PHC3: variants seen among roughly 807,000 people sequenced by gnomAD.
The protein encoded by PHC3 is polyhomeotic homolog 3.
Under a neutral mutation model 107.4 loss-of-function variants are expected in PHC3, and 13 were observed. That is an observed-to-expected ratio of 0.12 (90% CI 0.08 to 0.19). PHC3 has a LOEUF of 0.19. PHC3 is among the 10% of genes least tolerant of loss of function. PHC3 has a pLI of 1.00. For synonymous variants in PHC3, 456 were observed against 427.4 expected, an observed-to-expected ratio of 1.07 and a Z score of -0.83; for missense variants, 992 against 1,210.9, an observed-to-expected ratio of 0.82 and a Z score of 2.68.
intron 8 of PHC3, among the ~76,000 whole-genome samples, chr3:170,123,085 TCTAA>T (rs1185493452): frequency 3.9e-5 from 6 of 152,302 alleles, no homozygotes; most frequent in African/African-American, 1.2e-4. Flanking sequence ...TTTGTTAACT[TCTAA>T]CTGTCATGAA....
At chr3:170,173,966 G>T (rs1730011776) in intron 2 of PHC3, among the ~76,000 whole-genome samples, 2 of 152,228 alleles carry the variant, frequency 1.3e-5, no homozygotes, top group Admixed American at 6.5e-5. Context: ...GCCAAGGCAG[G>T]CAGGTCACCT....
intron 6 of PHC3, among the ~76,000 whole-genome samples, chr3:170,136,866 C>A (rs1209128132): frequency 2.8e-5 from 4 of 140,608 alleles, no homozygotes; most frequent in African/African-American, 1.1e-4. Flanking sequence ...TATTAAGTGG[C>A]AATTTTTTAA....
chr3:170,122,729 C>T lies in PHC3; in HGVS notation c.1804G>A (p.Asp602Asn). Reference protein sequence around the residue: ...VDPPVVYQVEDVCEEEMPEES... With the variant: ...VDPPVVYQVENVCEEEMPEES... ...TCTGGCATTTCTTCTTCACACACAT[C>T]TTCTACCTGATAAACCTGCAATGAC... Residue 602 changes from aspartate to asparagine, a missense_variant, in exon 9 of 15, where the codon GAT becomes AAT. By Grantham distance (23) the Asp-to-Asn change is conservative. This residue lies in a region of PHC3 where 543 missense variants were observed against 590.8 expected (regional missense o/e 0.92). Coordinates refer to ENST00000495893, the MANE Select transcript of PHC3 (RefSeq NM_024947.4). The T allele has an allele frequency of 1.9e-6, 3 of 1,613,926 alleles. No individual in the cohort carries two copies. The highest frequency in any genetic ancestry group is 2.5e-6 in the Non-Finnish European group (3 of 1,179,840).
rs1717313446 is a variant in PHC3, at chr3:170,109,978, G to A, written c.2354-3032C>T. On this transcript the variant is annotated intron_variant, in intron 11 of 14. Coordinates refer to ENST00000495893, the MANE Select transcript of PHC3 (RefSeq NM_024947.4). ...TACCTTGGGAAATTAAAACTAGAAA[G>A]TATTTAAAATTTTAGCACATTTTAT... 2.0e-5 allele frequency among the ~76,000 whole-genome samples: 3 copies of A among 151,954 alleles called. No individual in the cohort carries two copies. In the South Asian group the frequency reaches 6.2e-4, roughly 31 times the overall value.
intron 11 of PHC3, among the ~76,000 whole-genome samples, chr3:170,110,928 A>T (rs1029186600): frequency 1.1e-4 from 17 of 152,176 alleles, no homozygotes; most frequent in African/African-American, 3.9e-4. Context: ...AAAAAAGAAT[A>T]CCTGCACATT....
intron 14 of PHC3, 178 bp downstream of exon 14, chr3:170,102,301 T>C: frequency 9.1e-6 from 9 of 985,386 alleles, no homozygotes; most frequent in Non-Finnish European, 1.1e-5. Context: ...AAATACCCAG[T>C]AGTGCTGAGG....
At chr3:170,107,367 A>C (rs774496511) in intron 11 of PHC3, among the ~76,000 whole-genome samples, 1 of 152,196 alleles carries the variant, frequency 6.6e-6, no homozygotes, top group Non-Finnish European at 1.5e-5. Flanking sequence ...GGAACTCTTA[A>C]TTCTAACTGG....
intron 4 of PHC3, among the ~76,000 whole-genome samples, chr3:170,152,342 T>A (rs939033954): frequency 2.0e-5 from 3 of 148,014 alleles, no homozygotes; most frequent in Non-Finnish European, 4.5e-5. Context: ...GGCTAATTTT[T>A]TTTTTTTTTT....
chr3:170,097,412 A>G lies in PHC3; in HGVS notation c.2834-28T>C. On this transcript the variant is annotated intron_variant, in intron 14 of 14. Transcript: ENST00000495893. The surrounding 1 kb of genome is among the most constrained non-coding windows in gnomAD (Gnocchi z 4.1). ...GGAATTTGACCAGAGGACAGAAGTT[A>G]GAATTAAATATACAACAATTAGACA... is the stretch of plus-strand genomic sequence containing the variant. The G allele has an allele frequency of 6.2e-7, 1 of 1,601,924 alleles. No individual in the cohort carries two copies. Among genetic ancestry groups the G allele is most frequent in the Non-Finnish European group, 8.5e-7 (1 of 1,172,298 alleles).
chr3:170,143,504 T>A (rs1161137760), intron 6 of PHC3, among the ~76,000 whole-genome samples: 2 of 151,304 alleles, frequency 1.3e-5, no homozygotes, highest in Non-Finnish European at 2.9e-5. Flanking sequence ...CCTCATTTTT[T>A]ATTTTTTACC....
chr3:170,088,196 T>C lies in PHC3; in HGVS notation c.*9034A>G, dbSNP rs1317182992. 2.0e-5 allele frequency: 3 copies of C among 152,204 alleles called. No individual in the cohort carries two copies. The highest frequency in any genetic ancestry group is 6.5e-5 in the Admixed American group (1 of 15,278). 9.4% of individuals were successfully genotyped at this position (152,204 alleles called of 1,614,324 possible). ...AATGTTTTCTTTCCCCTTGGTGATC[T>C]TTGTTCATCCTGGGTGGATCATCTT... On this transcript the variant is annotated 3_prime_UTR_variant, in exon 15 of 15. Coordinates refer to ENST00000495893, the MANE Select transcript of PHC3 (RefSeq NM_024947.4).
intron 14 of PHC3, among the ~76,000 whole-genome samples, chr3:170,101,262 A>C (rs1213952820): frequency 6.6e-6 from 1 of 152,210 alleles, no homozygotes; most frequent in Non-Finnish European, 1.5e-5. Flanking sequence ...TATTTTTTTA[A>C]AACTTAGCAT....
At chr3:170,148,984 AT>A in intron 5 of PHC3, 101 bp downstream of exon 5, 1 of 1,234,038 alleles carries the variant, frequency 8.1e-7, no homozygotes, top group Non-Finnish European at 1.1e-6. Context: ...ACAATTAAAC[AT>A]TTCTTAAATA....
intron 4 of PHC3, among the ~76,000 whole-genome samples, chr3:170,165,753 C>CAA (rs1201987701): frequency 4.2e-3 from 170 of 40,876 alleles, no homozygotes; most frequent in Middle Eastern, 0.02. Flanking sequence ...GACCTTGTCT[C>CAA]AAAAAAAAAA....
At chr3:170,143,710 G>A (rs556792387) in intron 6 of PHC3, among the ~76,000 whole-genome samples, 1 of 152,036 alleles carries the variant, frequency 6.6e-6, no homozygotes, top group South Asian at 2.1e-4. Context: ...AATTTATTGA[G>A]GTGTAACTTA....
At chr3:170,126,214 C>T (rs1721204949) in intron 8 of PHC3, among the ~76,000 whole-genome samples, 1 of 151,580 alleles carries the variant, frequency 6.6e-6, no homozygotes, top group Non-Finnish European at 1.5e-5. Context: ...AAAATATAAC[C>T]TGTGAAGAAA....
At chr3:170,128,473 T>C (rs1241915943) in intron 8 of PHC3, 4 of 1,167,268 alleles carry the variant, frequency 3.4e-6, no homozygotes, top group Non-Finnish European at 4.6e-6. Context: ...TTAATTACCA[T>C]CACAAATTAT....
At chr3:170,150,271 T>C (rs1725681904) in intron 4 of PHC3, among the ~76,000 whole-genome samples, 1 of 152,034 alleles carries the variant, frequency 6.6e-6, no homozygotes, top group Non-Finnish European at 1.5e-5. Context: ...ACATAACCAG[T>C]GTAAAGCTGT....
intron 11 of PHC3, among the ~76,000 whole-genome samples, chr3:170,111,301 G>C (rs200388833): frequency 2.4e-4 from 31 of 131,044 alleles, no homozygotes; most frequent in Middle Eastern, 3.7e-3. Flanking sequence ...AAGGAAGGAA[G>C]GAAGGAAGGA....
Sources: gnomAD v4.1 joint callset for allele counts (sites outside exome capture counted in the v4.1 genomes callset) on GRCh38, gnomAD v4.1.1 for gene constraint, gnomAD v4.1.1 regional missense constraint, Gnocchi (gnomAD v3.1) non-coding constraint, MANE v1.5 for transcripts, NCBI Gene and HGNC (gene_info 2026-07-23, HGNC 2026-07-21) for gene names.